The following LRRIQ3 variants were observed in gnomAD, a reference collection of about 807,000 sequenced individuals.
LRRIQ3 encodes leucine rich repeats and IQ motif containing 3.
A neutral mutation model predicts 59.3 loss-of-function variants in LRRIQ3; 75 were observed. The observed-to-expected ratio is 1.26, with a 90% confidence interval of 1.05 to 1.53. The LOEUF (loss-of-function observed/expected upper bound fraction) is 1.53, where lower values mean the gene tolerates loss of function less well. LRRIQ3 is among the 40% of genes most tolerant of loss of function. The pLI is 0.00. For synonymous variants in LRRIQ3, 250 were observed against 231.3 expected (o/e 1.08, Z -0.73); for missense variants, 831 against 710.0 (o/e 1.17, Z -1.94).
chr1:74,060,221 G>GTTGTTC (rs1654673848), intron 6 of LRRIQ3, among the ~76,000 whole-genome samples: 1 of 53,564 alleles, frequency 1.9e-5, no homozygotes, highest in African/African-American at 3.9e-5. Flanking sequence ...TCTTCTTCTT[G>GTTGTTC]TTCTTCTTCT....
intron 5 of LRRIQ3, among the ~76,000 whole-genome samples, chr1:74,098,282 A>G (rs1384135959): frequency 1.3e-5 from 2 of 152,154 alleles, no homozygotes; most frequent in Non-Finnish European, 2.9e-5. Context: ...CAGACTTTAA[A>G]CCAAAAGATC....
At chr1:74,190,860 A>C (rs1650719771) in intron 1 of LRRIQ3, among the ~76,000 whole-genome samples, 1 of 152,122 alleles carries the variant, frequency 6.6e-6, no homozygotes, top group East Asian at 1.9e-4. Flanking sequence ...AAGATAGTGG[A>C]GTGAAATATT....
At chr1:74,191,815 T>G (rs980716490) in intron 1 of LRRIQ3, among the ~76,000 whole-genome samples, 1 of 152,132 alleles carries the variant, frequency 6.6e-6, no homozygotes, top group African/African-American at 2.4e-5. Flanking sequence ...ACTGAATACA[T>G]ATATTAGAAA....
At chr1:74,183,376 T>G (rs956490330) in intron 2 of LRRIQ3, 60 bp downstream of exon 2, 130 of 1,415,890 alleles carry the variant, frequency 9.2e-5, no homozygotes, top group Admixed American at 1.4e-4. Context: ...GTAACATAAG[T>G]ACTTATTATA....
At position 74,074,793 on chromosome 1, in the gene LRRIQ3, G is replaced by T; in HGVS notation, c.868-3C>A. 1 of 1,281,564 alleles carries T rather than the reference G, an allele frequency of 7.8e-7. No homozygotes were observed. The highest frequency in any genetic ancestry group is 1.0e-6 in the Non-Finnish European group (1 of 953,726). The allele number at this position is 1,281,564 out of a possible 1,614,324, so 79.4% of individuals were successfully genotyped here. A position where few individuals can be genotyped will look rare whatever the true frequency, so the allele number is the denominator to read the frequency against. On this transcript the variant is annotated splice_polypyrimidine_tract_variant and splice_region_variant and intron_variant, in intron 5 of 7. Coordinates refer to ENST00000354431, the MANE Select transcript of LRRIQ3 (RefSeq NM_001105659.2). The stretch of plus-strand genomic sequence containing the variant: ...AAATCAACAGGATAATATATATTCT[G>T]TGAAAATAAAATAAAAGCAATGACA...
chr1:74,184,691 G>A (rs1011280334), intron 1 of LRRIQ3, among the ~76,000 whole-genome samples: 6 of 152,096 alleles, frequency 3.9e-5, no homozygotes, highest in Non-Finnish European at 8.8e-5. Context: ...CATATCTACT[G>A]TATCAGAATT....
chr1:74,032,446 C>T (rs1247274374), intron 7 of LRRIQ3, among the ~76,000 whole-genome samples: 1 of 152,028 alleles, frequency 6.6e-6, no homozygotes, highest in Non-Finnish European at 1.5e-5. Context: ...TCAGCCAGAG[C>T]AATGGTTCTC....
chr1:74,130,243 C>T (rs901991080), intron 4 of LRRIQ3, among the ~76,000 whole-genome samples: 2 of 152,032 alleles, frequency 1.3e-5, no homozygotes, highest in Non-Finnish European at 2.9e-5. Context: ...ACTTTAGCCC[C>T]GGGTAAGGTG....
intron 6 of LRRIQ3, among the ~76,000 whole-genome samples, chr1:74,042,512 C>G (rs899930264): frequency 1.3e-5 from 2 of 152,026 alleles, no homozygotes; most frequent in African/African-American, 4.8e-5. Flanking sequence ...ACTTAGTTAT[C>G]TTTTACAAAA....
At chr1:74,151,875 C>T (rs1648007223) in intron 4 of LRRIQ3, among the ~76,000 whole-genome samples, 1 of 152,040 alleles carries the variant, frequency 6.6e-6, no homozygotes, top group African/African-American at 2.4e-5. Context: ...ACTGTGGATG[C>T]TACACAAACA....
chr1:74,101,960 A>G (rs918390974), intron 5 of LRRIQ3, among the ~76,000 whole-genome samples: 5 of 152,064 alleles, frequency 3.3e-5, no homozygotes, highest in African/African-American at 1.2e-4. Flanking sequence ...CCTAATGTAA[A>G]TGATGAGTTA....
intron 4 of LRRIQ3, among the ~76,000 whole-genome samples, chr1:74,145,833 C>A (rs544262373): frequency 1.3e-5 from 2 of 152,062 alleles, no homozygotes; most frequent in South Asian, 4.2e-4. Context: ...ATTTACCTCA[C>A]AGAACTGCTG....
chr1:74,118,577 C>CCA (rs1244552476), intron 4 of LRRIQ3, among the ~76,000 whole-genome samples: 1 of 151,814 alleles, frequency 6.6e-6, no homozygotes, highest in Non-Finnish European at 1.5e-5. Context: ...CCACTACCTC[C>CCA]CACACACACA....
intron 4 of LRRIQ3, among the ~76,000 whole-genome samples, chr1:74,111,096 G>A (rs929779901): frequency 1.3e-5 from 2 of 151,918 alleles, no homozygotes; most frequent in African/African-American, 2.4e-5. Flanking sequence ...TCACGAGAGA[G>A]TGTGAATACA....
intron 5 of LRRIQ3, among the ~76,000 whole-genome samples, chr1:74,086,802 G>A (rs996137475): frequency 6.6e-6 from 1 of 151,922 alleles, no homozygotes; most frequent in African/African-American, 2.4e-5. Context: ...TAAAGAGAAT[G>A]GTGAACAGAC....
chr1:74,165,454 C>T (rs1192903291), intron 3 of LRRIQ3, among the ~76,000 whole-genome samples: 1 of 151,496 alleles, frequency 6.6e-6, no homozygotes, highest in Non-Finnish European at 1.5e-5. Flanking sequence ...TGAGACAATG[C>T]TAACCTTACT....
intron 6 of LRRIQ3, among the ~76,000 whole-genome samples, chr1:74,062,764 T>C (rs2100448041): frequency 6.6e-6 from 1 of 152,038 alleles, no homozygotes; most frequent in South Asian, 2.1e-4. Context: ...ATGATATCAC[T>C]TATGGGAGCT....
At chr1:74,069,515 A>G (rs1250805921) in intron 6 of LRRIQ3, among the ~76,000 whole-genome samples, 1 of 152,062 alleles carries the variant, frequency 6.6e-6, no homozygotes, top group Non-Finnish European at 1.5e-5. Context: ...GCATTATAAA[A>G]TGAAGCTAGG....
intron 6 of LRRIQ3, among the ~76,000 whole-genome samples, chr1:74,044,625 C>T (rs1404573252): frequency 6.6e-6 from 1 of 152,042 alleles, no homozygotes; most frequent in Non-Finnish European, 1.5e-5. Context: ...CAAAGCAGAA[C>T]TGAAGGAGAC....
Sources: gnomAD v4.1 joint callset for allele counts (sites outside exome capture counted in the v4.1 genomes callset) on GRCh38, gnomAD v4.1.1 for gene constraint, MANE v1.5 for transcripts, NCBI Gene and HGNC (gene_info 2026-07-23, HGNC 2026-07-21) for gene names.